The following KIAA1549L variants were observed in gnomAD, a reference collection of about 807,000 sequenced individuals.
The protein encoded by KIAA1549L is UPF0606 protein KIAA1549L.
KIAA1549L carries 88 observed loss-of-function variants against 160.7 expected under a neutral mutation model. The observed-to-expected ratio is 0.55, with a 90% CI of 0.46 to 0.65. The LOEUF is 0.65. Ranked by LOEUF, KIAA1549L falls within the 30% of genes least tolerant of loss-of-function variation. The probability of loss-of-function intolerance (pLI) is 0.00; values close to 1 mark genes in which losing one functional copy is unlikely to be tolerated. For synonymous variants in KIAA1549L, 950 were observed against 976.7 expected, an observed-to-expected ratio of 0.97 and a Z score of 0.51; for missense variants, 2,258 against 2,437.5, an observed-to-expected ratio of 0.93 and a Z score of 1.55.
intron 17 of KIAA1549L, among the ~76,000 whole-genome samples, chr11:33,648,081 G>A (rs1256439365): frequency 6.6e-6 from 1 of 152,128 alleles, no homozygotes; most frequent in Non-Finnish European, 1.5e-5. Context: ...TGCAACCTCT[G>A]CCTCCCAGGT....
chr11:33,523,205 T>C (rs1475159757), intron 1 of KIAA1549L, among the ~76,000 whole-genome samples: 1 of 152,238 alleles, frequency 6.6e-6, no homozygotes, highest in Non-Finnish European at 1.5e-5. Context: ...TCTTCAGAGC[T>C]GCAGTTCCTT....
At chr11:33,645,220 G>A (rs2133403794) in intron 16 of KIAA1549L, among the ~76,000 whole-genome samples, 1 of 152,240 alleles carries the variant, frequency 6.6e-6, no homozygotes, top group South Asian at 2.1e-4. Context: ...TGTCTGATAA[G>A]TAGCATCAGG....
chr11:33,394,394 TAAATA>T lies in KIAA1549L; in HGVS notation c.238+17508_238+17512del, dbSNP rs1850328531. 7.0e-5 allele frequency among the ~76,000 whole-genome samples: 4 copies of T among 57,314 alleles called. No individual in the cohort carries two copies. The South Asian group carries it at 2.9e-3, about 42-fold the overall frequency. The allele number at this position is 57,314 out of a possible 152,430, so 37.6% of individuals were successfully genotyped here. The stretch of plus-strand genomic sequence containing the variant: ...GAGCCAGATCCTAACTCATAAATAA[TAAATA>T]AATAAATAAATAAATAAATAAACAA... On this transcript the variant is annotated intron_variant, in intron 1 of 20. Transcript: ENST00000658780.
Position 33,656,026 on chromosome 11 carries a change from C to A in KIAA1549L, c.5775C>A (p.Ser1925=). The A allele has an allele frequency of 6.2e-7, 1 of 1,613,742 alleles. No homozygotes were observed. The highest frequency in any genetic ancestry group is 1.1e-5 in the South Asian group (1 of 91,010). ...YSLPRPAYRF[S]QLPEMVMGSP... ...CTCTTTCACAGGCTTACAGGTTTTCCCAGCTTCCTGAGATGGTCATGGGCT... is the reference window on the plus strand; with the variant it reads ...CTCTTTCACAGGCTTACAGGTTTTCACAGCTTCCTGAGATGGTCATGGGCT... Residue 1925 remains serine, a synonymous_variant, in exon 18 of 21, where the codon TCC becomes TCA. Coordinates refer to ENST00000658780, the MANE Select transcript of KIAA1549L (RefSeq NM_012194.3).
In KIAA1549L at chr11:33,649,344, A is replaced by G. The variant is rs35515270; in HGVS notation, c.5760+3308A>G. Among the ~76,000 whole-genome samples, 125 of 125,818 alleles carry G rather than the reference A, an allele frequency of 9.9e-4. No individual in the cohort carries two copies. The East Asian group carries it at 0.019, about 19-fold the overall frequency. 82.5% of individuals were successfully genotyped at this position (125,818 alleles called of 152,430 possible). A position where few individuals can be genotyped will look rare whatever the true frequency, so the allele number is the denominator to read the frequency against. On this transcript the variant is annotated intron_variant, in intron 17 of 20. Coordinates refer to ENST00000658780, the MANE Select transcript of KIAA1549L (RefSeq NM_012194.3). ...TAATGAGATCCTGTCTCTACGGGGG[A>G]AAAAAAAAAAAAAAAAAAAAATTGG...
chr11:33,596,900 G>A (rs912742618), intron 12 of KIAA1549L, among the ~76,000 whole-genome samples: 1 of 152,094 alleles, frequency 6.6e-6, no homozygotes, highest in Non-Finnish European at 1.5e-5. Flanking sequence ...ACAATCTAGG[G>A]GTGTGTGTCT....
chr11:33,550,895 A>C, intron 4 of KIAA1549L, 145 bp from the exon 5 acceptor site: 2 of 707,202 alleles, frequency 2.8e-6, no homozygotes, highest in East Asian at 5.3e-5. Flanking sequence ...ACTATGCTTT[A>C]TAGAATTGTT....
chr11:33,456,878 C>G (rs909546476), intron 1 of KIAA1549L, among the ~76,000 whole-genome samples: 3 of 152,244 alleles, frequency 2.0e-5, no homozygotes, highest in African/African-American at 7.2e-5. Flanking sequence ...CCATCATCTG[C>G]TCAGGCCTGG....
chr11:33,545,047 C>G lies in KIAA1549L; in HGVS notation c.3054C>G (p.Thr1018=), dbSNP rs1158021057. The change falls in exon 3 of 21, where the codon ACC becomes ACG. Residue 1018 remains threonine (T), a synonymous_variant. Transcript: ENST00000658780. ...PTYMYARTGH[T]TSTHTAMQGN... Reference sequence around the variant, plus strand: ...ACATGTATGCAAGAACAGGACATACCACGAGCACACATACAGCCATGCAAG... The same window carrying G: ...ACATGTATGCAAGAACAGGACATACGACGAGCACACATACAGCCATGCAAG... 24 of 1,613,876 alleles carry G rather than the reference C, an allele frequency of 1.5e-5. No individual in the cohort carries two copies. Among genetic ancestry groups the G allele is most frequent in the Middle Eastern group, 1.6e-4 (1 of 6,084 alleles).
At chr11:33,407,629 C>T (rs1344371264) in intron 1 of KIAA1549L, among the ~76,000 whole-genome samples, 1 of 151,978 alleles carries the variant, frequency 6.6e-6, no homozygotes, top group Non-Finnish European at 1.5e-5. Flanking sequence ...GATTATAGGC[C>T]TGAGCCACCG....
intron 8 of KIAA1549L, among the ~76,000 whole-genome samples, chr11:33,567,541 C>T (rs181889237): frequency 6.6e-6 from 1 of 152,164 alleles, no homozygotes; most frequent in African/African-American, 2.4e-5. Flanking sequence ...GGACACTGAA[C>T]AGGGTAGTCT....
At chr11:33,619,327 C>T (rs780558904) in intron 16 of KIAA1549L, among the ~76,000 whole-genome samples, 1 of 150,372 alleles carries the variant, frequency 6.7e-6, no homozygotes, top group Non-Finnish European at 1.5e-5. Context: ...CCTGCCCCAG[C>T]ATTTCACATG....
rs1305917172 is a variant in KIAA1549L at position 33,672,460 on chromosome 11, T to G, written c.*4306T>G. 1 of 152,768 alleles carries G rather than the reference T, an allele frequency of 6.5e-6. No individual in the cohort carries two copies. Among genetic ancestry groups the G allele is most frequent in the Non-Finnish European group, 1.5e-5 (1 of 68,094 alleles). The allele number at this position is 152,768 out of a possible 1,614,324, so 9.5% of individuals were successfully genotyped here. On this transcript the variant is annotated 3_prime_UTR_variant, in exon 21 of 21. Transcript: ENST00000658780. ...TACCAAGGAGGCAGGGCCGTGTCAT[T>G]TAAGCATGGCCCCATGGACTGACCC...
In KIAA1549L at chr11:33,583,371, T is replaced by C; in HGVS notation, c.4436T>C (p.Ile1479Thr). The change falls in exon 11 of 21, where the codon ATC (isoleucine) becomes ACC (threonine). Residue 1479 changes from isoleucine to threonine, a missense_variant. This residue lies in a region of KIAA1549L where 1,359 missense variants were observed against 1,546.6 expected (regional missense o/e 0.88). Transcript: ENST00000658780. Reference sequence around the variant, plus strand: ...AAGAACCCGCCCAATAACCTGTGGATCATCGCTGCAGTGCTGGCGCCCATT... The same window carrying C: ...AAGAACCCGCCCAATAACCTGTGGACCATCGCTGCAGTGCTGGCGCCCATT... Reference protein sequence around the residue: ...VVKNPPNNLWIIAAVLAPIAV... With the variant: ...VVKNPPNNLWTIAAVLAPIAV... 1 of 1,606,276 alleles carries C rather than the reference T, an allele frequency of 6.2e-7. No individual in the cohort carries two copies. Among genetic ancestry groups the C allele is most frequent in the Non-Finnish European group, 8.5e-7 (1 of 1,176,472 alleles).
At chr11:33,626,141 C>G (rs1851106711) in intron 16 of KIAA1549L, among the ~76,000 whole-genome samples, 1 of 148,490 alleles carries the variant, frequency 6.7e-6, no homozygotes, top group South Asian at 2.2e-4. Context: ...GTACCAGTAC[C>G]ATGCTGTTTT....
intron 20 of KIAA1549L, among the ~76,000 whole-genome samples, chr11:33,662,425 T>C (rs1350492433): frequency 6.6e-6 from 1 of 152,212 alleles, no homozygotes; most frequent in Non-Finnish European, 1.5e-5. Context: ...CCCCTGCTGT[T>C]CAGTCTGTGA....
chr11:33,608,891 GTTTAA>G (rs1296116194), intron 14 of KIAA1549L, among the ~76,000 whole-genome samples: 2 of 152,206 alleles, frequency 1.3e-5, no homozygotes, highest in African/African-American at 2.4e-5. Context: ...TGGGTGGCTG[GTTTAA>G]ATGAAGAAAG....
chr11:33,575,675 T>G (rs1246140222), intron 10 of KIAA1549L, among the ~76,000 whole-genome samples: 1 of 152,020 alleles, frequency 6.6e-6, no homozygotes, highest in Non-Finnish European at 1.5e-5. Context: ...ACGTGAAGAT[T>G]TCAGCAGAGG....
intron 16 of KIAA1549L, 33 bp from the exon 17 acceptor site, chr11:33,645,653 A>T: frequency 6.6e-7 from 1 of 1,513,806 alleles, no homozygotes; most frequent in East Asian, 2.3e-5. Context: ...GAAGGAAAGT[A>T]AACACATCAA....
Sources: allele counts gnomAD v4.1 joint callset (sites outside exome capture counted in the v4.1 genomes callset), GRCh38; gene constraint gnomAD v4.1.1; regional missense constraint gnomAD v4.1.1; transcripts MANE v1.5; gene names NCBI Gene and HGNC (gene_info 2026-07-23, HGNC 2026-07-21).